PTPRD: variants seen among roughly 807,000 people sequenced by gnomAD.
The protein encoded by PTPRD is protein tyrosine phosphatase receptor type D, also known as receptor-type tyrosine-protein phosphatase delta.
A neutral mutation model predicts 214.5 loss-of-function variants in PTPRD; 34 were observed. The observed-to-expected ratio is 0.16, with a 90% CI of 0.12 to 0.21. The LOEUF is 0.21. PTPRD is among the 10% of genes least tolerant of loss of function. The probability of loss-of-function intolerance (pLI) is 1.00; values close to 1 mark genes in which losing one functional copy is unlikely to be tolerated. For synonymous variants in PTPRD, 1,128 were observed against 845.7 expected, an observed-to-expected ratio of 1.33 and a Z score of -5.79; for missense variants, 2,545 against 2,398.7, an observed-to-expected ratio of 1.06 and a Z score of -1.27.
At chr9:9,782,370 A>T (rs1474592364) in intron 5 of PTPRD, among the ~76,000 whole-genome samples, 2 of 152,180 alleles carry the variant, frequency 1.3e-5, no homozygotes, top group Non-Finnish European at 2.9e-5. Context: ...TACTAATCAC[A>T]ATGTCTATTG....
chr9:10,079,896 A>G (rs556602389), intron 3 of PTPRD, among the ~76,000 whole-genome samples: 1 of 152,124 alleles, frequency 6.6e-6, no homozygotes, highest in South Asian at 2.1e-4. Flanking sequence ...AAATACATGA[A>G]TAAAACTTCA....
At chr9:8,516,235 C>G (rs1203027155) in intron 21 of PTPRD, among the ~76,000 whole-genome samples, 1 of 152,074 alleles carries the variant, frequency 6.6e-6, no homozygotes, top group Non-Finnish European at 1.5e-5. Flanking sequence ...TTGGTAAGAA[C>G]AGCCTACAGT....
intron 11 of PTPRD, among the ~76,000 whole-genome samples, chr9:8,827,547 C>T (rs2097201026): frequency 6.6e-6 from 1 of 152,126 alleles, no homozygotes; most frequent in Non-Finnish European, 1.5e-5. Context: ...GCAGAGGCTG[C>T]AGTGAGCCAA....
At chr9:8,852,662 T>C (rs548259705) in intron 11 of PTPRD, among the ~76,000 whole-genome samples, 2 of 152,336 alleles carry the variant, frequency 1.3e-5, no homozygotes, top group South Asian at 4.1e-4. Context: ...GTCTTAGCTC[T>C]CCAAACTGTC....
At chr9:9,533,690 A>G (rs1321554244) in intron 8 of PTPRD, among the ~76,000 whole-genome samples, 3 of 152,062 alleles carry the variant, frequency 2.0e-5, no homozygotes, top group Non-Finnish European at 4.4e-5. Context: ...TTGTTCTTAT[A>G]AATCCACCTT....
intron 11 of PTPRD, among the ~76,000 whole-genome samples, chr9:8,960,099 A>G (rs1275750855): frequency 6.6e-6 from 1 of 152,028 alleles, no homozygotes; most frequent in Non-Finnish European, 1.5e-5. Context: ...TCCCTTGGAA[A>G]TTTACTAGCT....
Position 9,166,362 on chromosome 9 carries a change from T to C in PTPRD, c.-143+16942A>G, listed in dbSNP as rs144469670. 4.3e-3 allele frequency among the ~76,000 whole-genome samples: 658 copies of C among 152,266 alleles called. 2 individuals are homozygous for C. Among genetic ancestry groups the C allele is most frequent in the African/African-American group, 0.015 (628 of 41,560 alleles). On this transcript the variant is annotated intron_variant, in intron 10 of 45. Transcript: ENST00000381196. ...TTCCTGGAATTTTGGGAGAAACTCC[T>C]TCCACTCCATCCACAGAGAGCTCTC...
intron 8 of PTPRD, among the ~76,000 whole-genome samples, chr9:9,438,866 G>A (rs993953838): frequency 5.3e-5 from 8 of 152,056 alleles, no homozygotes; most frequent in African/African-American, 1.9e-4. Context: ...TTGTATAAAT[G>A]TAAGTTTATA....
At chr9:9,964,708 T>C (rs1448841615) in intron 4 of PTPRD, among the ~76,000 whole-genome samples, 1 of 152,188 alleles carries the variant, frequency 6.6e-6, no homozygotes, top group African/African-American at 2.4e-5. Flanking sequence ...GATATTTACA[T>C]TTCTTTAGGA....
intron 11 of PTPRD, among the ~76,000 whole-genome samples, chr9:8,789,881 C>G (rs2096151753): frequency 6.6e-6 from 1 of 152,126 alleles, no homozygotes; most frequent in Non-Finnish European, 1.5e-5. Flanking sequence ...ATCTTTGAAT[C>G]TGGAGGGTAG....
At chr9:9,264,677 G>A (rs758128131) in intron 9 of PTPRD, among the ~76,000 whole-genome samples, 7 of 151,490 alleles carry the variant, frequency 4.6e-5, no homozygotes, top group Admixed American at 1.3e-4. Flanking sequence ...ATCCAGATAC[G>A]TGAAGCTTAA....
At chr9:8,596,199 A>T (rs2094466748) in intron 14 of PTPRD, among the ~76,000 whole-genome samples, 1 of 152,148 alleles carries the variant, frequency 6.6e-6, no homozygotes, top group Non-Finnish European at 1.5e-5. Flanking sequence ...TATTTTGCAT[A>T]TCATGAATTA....
intron 10 of PTPRD, among the ~76,000 whole-genome samples, chr9:9,163,723 G>A (rs1200831126): frequency 2.0e-5 from 3 of 152,000 alleles, no homozygotes; most frequent in East Asian, 1.9e-4. Context: ...TAACTGACTC[G>A]ACCATTCATG....
intron 2 of PTPRD, among the ~76,000 whole-genome samples, chr9:10,600,904 T>C (rs2077796493): frequency 6.6e-6 from 1 of 151,734 alleles, no homozygotes; most frequent in African/African-American, 2.4e-5. Context: ...AGACAGCCTC[T>C]CCAACAGAGA....
intron 35 of PTPRD, among the ~76,000 whole-genome samples, chr9:8,433,275 C>A (rs867605896): frequency 1.3e-5 from 2 of 152,156 alleles, no homozygotes; most frequent in South Asian, 4.1e-4. Context: ...ATTCTGCTAC[C>A]AGTCACATAA....
chr9:10,318,669 G>A (rs1374495691), intron 3 of PTPRD, among the ~76,000 whole-genome samples: 1 of 152,026 alleles, frequency 6.6e-6, no homozygotes, highest in Non-Finnish European at 1.5e-5. Flanking sequence ...CTGGAGTGCA[G>A]TGGCACGATC....
chr9:9,194,271 T>C (rs970691813), intron 9 of PTPRD, among the ~76,000 whole-genome samples: 3 of 152,138 alleles, frequency 2.0e-5, no homozygotes, highest in African/African-American at 7.2e-5. Flanking sequence ...CCAGAGGCTA[T>C]ATTACAGTTA....
Position 9,013,185 on chromosome 9 carries a change from T to A in PTPRD, c.-104+5512A>T, listed in dbSNP as rs537778242. ...TTTTCAATATCTGAGGCATTGGGGGTTTACATCAAAGTAACAAAAGAATGA... is the reference window on the plus strand; with the variant it reads ...TTTTCAATATCTGAGGCATTGGGGGATTACATCAAAGTAACAAAAGAATGA... On this transcript the variant is annotated intron_variant, in intron 11 of 45. Transcript: ENST00000381196. Among the ~76,000 whole-genome samples, 7 of 152,062 alleles carry A rather than the reference T, an allele frequency of 4.6e-5. No homozygotes were observed. In the South Asian group the frequency reaches 1.5e-3, roughly 32 times the overall value.
chr9:9,727,036 G>C (rs1246287586), intron 7 of PTPRD, among the ~76,000 whole-genome samples: 1 of 152,136 alleles, frequency 6.6e-6, no homozygotes, highest in Admixed American at 6.5e-5. Context: ...ACCTGGAGAA[G>C]AGCTGCTTGA....
Sources: allele counts gnomAD v4.1 joint callset (sites outside exome capture counted in the v4.1 genomes callset), GRCh38; gene constraint gnomAD v4.1.1; transcripts MANE v1.5; gene names NCBI Gene and HGNC (gene_info 2026-07-23, HGNC 2026-07-21).